WFDC13: variants seen among roughly 807,000 people sequenced by gnomAD.
WFDC13 encodes WAP four-disulfide core domain 13.
A neutral mutation model predicts 10.9 loss-of-function variants in WFDC13; 6 were observed. That is an observed-to-expected ratio of 0.55 (90% CI 0.30 to 1.09). The LOEUF is 1.09. Ranked by LOEUF, WFDC13 falls within the 50% of genes least tolerant of loss-of-function variation. The pLI, the probability that WFDC13 is intolerant of heterozygous loss-of-function variation, is 0.06. For synonymous variants in WFDC13, 38 were observed against 39.5 expected, an observed-to-expected ratio of 0.96 and a Z score of 0.14; for missense variants, 104 against 109.6, an observed-to-expected ratio of 0.95 and a Z score of 0.23.
At chr20:45,702,305 A>G in intron 1 of WFDC13, 94 bp downstream of exon 1, 1 of 1,289,628 alleles carries the variant, frequency 7.8e-7, no homozygotes, top group South Asian at 1.3e-5. Flanking sequence ...TTGGAAAAAT[A>G]CCGTGTCATG....
chr20:45,703,790 C>A (rs1984273799), intron 1 of WFDC13, among the ~76,000 whole-genome samples: 2 of 152,272 alleles, frequency 1.3e-5, no homozygotes, highest in Admixed American at 6.5e-5. Flanking sequence ...CATCCTGGTG[C>A]TCTGGCCTCC....
intron 2 of WFDC13, 37 bp downstream of exon 2, chr20:45,704,631 C>T: frequency 6.2e-7 from 1 of 1,607,762 alleles, no homozygotes; most frequent in Non-Finnish European, 8.5e-7. Flanking sequence ...GATCCTAGAG[C>T]TGCTGGTGGG....
chr20:45,702,174 G>A lies in WFDC13; in HGVS notation c.51G>A (p.Leu17=). Residue 17 remains leucine, a synonymous_variant, in exon 1 of 4, where the codon CTG becomes CTA. Transcript: ENST00000305479. Reference sequence around the variant, plus strand: ...TCCTGGTGGTGTTCTGCCTAGCACTGCAGCTGGTGCCTGGGAGTCCCAAGC... The same window carrying A: ...TCCTGGTGGTGTTCTGCCTAGCACTACAGCTGGTGCCTGGGAGTCCCAAGC... ...LQFLVVFCLA[L]QLVPGSPKQR... is the part of the protein sequence containing the mutation. 6.2e-7 allele frequency: 1 copy of A among 1,613,322 alleles called. No homozygotes were observed. Among genetic ancestry groups the A allele is most frequent in the Non-Finnish European group, 8.5e-7 (1 of 1,179,738 alleles).
At chr20:45,703,064 A>G (rs1382590090) in intron 1 of WFDC13, among the ~76,000 whole-genome samples, 1 of 152,156 alleles carries the variant, frequency 6.6e-6, no homozygotes, top group African/African-American at 2.4e-5. Flanking sequence ...TTAATTGGAG[A>G]ATCAGAATTT....
Position 45,702,210 on chromosome 20 carries a change from G to C in WFDC13, c.87G>C (p.Leu29=). The C allele has an allele frequency of 3.7e-6, 6 of 1,611,546 alleles. No individual in the cohort carries two copies. The highest frequency in any genetic ancestry group is 4.2e-6 in the Non-Finnish European group (5 of 1,178,960). ...CTGGGAGTCCCAAGCAGCGTGTTCT[G>C]AGTAGGTGCTGGATCTGGGCCCAAG... ...LVPGSPKQRV[L]KYILEPPPCI... is the part of the protein sequence containing the mutation. Residue 29 remains leucine, a splice_region_variant and synonymous_variant, in exon 1 of 4, where the codon CTG becomes CTC. Coordinates refer to ENST00000305479, the MANE Select transcript of WFDC13 (RefSeq NM_172005.2).
At chr20:45,707,439 G>T (rs940801176) in intron 3 of WFDC13, among the ~76,000 whole-genome samples, 11 of 152,084 alleles carry the variant, frequency 7.2e-5, no homozygotes, top group African/African-American at 2.7e-4. Context: ...GTCACGAGAG[G>T]CTATTTAAAT....
rs1387885402 is a variant in WFDC13, at chr20:45,707,783, G to A, written c.*23-75G>A. On this transcript the variant is annotated intron_variant, in intron 3 of 3. Coordinates refer to ENST00000305479, the MANE Select transcript of WFDC13 (RefSeq NM_172005.2). ...AGTTCAATGACAGTAATTCTCTAGA[G>A]ACCCAACATGATGTCCAAGGATGTT... The A allele has an allele frequency of 2.0e-5, 3 of 152,160 alleles. No homozygotes were observed. In the East Asian group the frequency reaches 5.8e-4, roughly 29 times the overall value. 9.4% of individuals were successfully genotyped at this position (152,160 alleles called of 1,614,324 possible).
chr20:45,704,392 C>T, intron 1 of WFDC13, 52 bp from the exon 2 acceptor site: 1 of 1,571,868 alleles, frequency 6.4e-7, no homozygotes, highest in Non-Finnish European at 8.6e-7. Context: ...GAGTTCTGAA[C>T]ATTACTCCAG....
intron 1 of WFDC13, among the ~76,000 whole-genome samples, 197 bp downstream of exon 1, chr20:45,702,408 T>C (rs1600966627): frequency 1.3e-5 from 2 of 152,128 alleles, no homozygotes; most frequent in African/African-American, 4.8e-5. Flanking sequence ...GGGCCTCAGG[T>C]TTTTATCCTT....
chr20:45,704,357 T>C, intron 1 of WFDC13, 87 bp from the exon 2 acceptor site: 2 of 1,518,028 alleles, frequency 1.3e-6, no homozygotes, highest in Non-Finnish European at 1.8e-6. Context: ...GGTGGCAGGT[T>C]TCCTGGCAGT....
intron 1 of WFDC13, 75 bp from the exon 2 acceptor site, chr20:45,704,369 C>T (rs1467432356): frequency 6.5e-7 from 1 of 1,534,364 alleles, no homozygotes; most frequent in Admixed American, 2.0e-5. Flanking sequence ...CCTGGCAGTT[C>T]CCTGGGCTTT....
chr20:45,705,182 G>A, intron 2 of WFDC13: 2 of 575,524 alleles, frequency 3.5e-6, no homozygotes, highest in South Asian at 4.8e-5. Flanking sequence ...CTATGACCTT[G>A]AGTAAGACAA....
chr20:45,706,103 G>A (rs899743537), intron 3 of WFDC13, among the ~76,000 whole-genome samples, 176 bp downstream of exon 3: 1 of 152,114 alleles, frequency 6.6e-6, no homozygotes, highest in South Asian at 2.1e-4. Context: ...ACTCCCTGGG[G>A]GAGGCACGGT....
chr20:45,704,451 C>T lies in WFDC13; in HGVS notation c.96C>T (p.Ile32=). Residue 32 remains isoleucine, a synonymous_variant, in exon 2 of 4, where the codon ATC becomes ATT. Transcript: ENST00000305479. The stretch of plus-strand genomic sequence containing the variant: ...ACTTGTTCTGTGTTCCAGAGTATAT[C>T]TTGGAACCTCCACCCTGCATATCAG... ...GSPKQRVLKY[I]LEPPPCISAP... 1 of 1,613,352 alleles carries T rather than the reference C, an allele frequency of 6.2e-7. No homozygotes were observed. Among genetic ancestry groups the T allele is most frequent in the Non-Finnish European group, 8.5e-7 (1 of 1,179,688 alleles).
chr20:45,705,979 C>A, intron 3 of WFDC13, 52 bp downstream of exon 3: 1 of 1,513,822 alleles, frequency 6.6e-7, no homozygotes, highest in Non-Finnish European at 9.2e-7. Flanking sequence ...CCCAGGGATG[C>A]TCACTTTCTT....
rs1045284437 is a variant in WFDC13 at position 45,704,808 on chromosome 20, C to T, written c.239+214C>T. 6 of 1,328,320 alleles carry T rather than the reference C, an allele frequency of 4.5e-6. No homozygotes were observed. The Admixed American group carries it at 6.8e-5, about 15-fold the overall frequency. 82.3% of individuals were successfully genotyped at this position (1,328,320 alleles called of 1,614,324 possible). ...TCCCCTCCCAATCACCACATCCCAT[C>T]ACCATATCCGTGAATTTCTGACTCT... is the stretch of plus-strand genomic sequence containing the variant. On this transcript the variant is annotated intron_variant, in intron 2 of 3. Coordinates refer to ENST00000305479, the MANE Select transcript of WFDC13 (RefSeq NM_172005.2).
rs1379614766 is a variant in WFDC13 at position 45,704,501 on chromosome 20, G to C, written c.146G>C (p.Cys49Ser). 6.2e-7 allele frequency: 1 copy of C among 1,614,026 alleles called. No homozygotes were observed. The highest frequency in any genetic ancestry group is 8.5e-7 in the Non-Finnish European group (1 of 1,180,022). ...ISAPENCTHL[C>S]TMQEDCEKGF... ...GCACCTGAAAACTGTACTCACCTGT[G>C]TACAATGCAGGAAGATTGCGAGAAA... The change falls in exon 2 of 4, where the codon TGT (cysteine) becomes TCT (serine). Residue 49 changes from cysteine (C) to serine (S), a missense_variant. By Grantham distance (112) the Cys-to-Ser change is moderately radical. Coordinates refer to ENST00000305479, the MANE Select transcript of WFDC13 (RefSeq NM_172005.2).
rs1225873258 is a variant in WFDC13 at position 45,705,919 on chromosome 20, G to C, written c.*14G>C. 6.2e-7 allele frequency: 1 copy of C among 1,613,942 alleles called. No individual in the cohort carries two copies. The highest frequency in any genetic ancestry group is 1.1e-5 in the South Asian group (1 of 91,074). ...CCTGCCAACTGAGGCATATTTCCTAGATCATTTTGTAAGTACAGGGATTTG... is the reference window on the plus strand; with the variant it reads ...CCTGCCAACTGAGGCATATTTCCTACATCATTTTGTAAGTACAGGGATTTG... On this transcript the variant is annotated 3_prime_UTR_variant, in exon 3 of 4. Transcript: ENST00000305479.
chr20:45,706,298 CTG>C (rs1207576418), intron 3 of WFDC13, among the ~76,000 whole-genome samples: 2 of 152,158 alleles, frequency 1.3e-5, no homozygotes, highest in African/African-American at 4.8e-5. Context: ...GGTCTGCTCA[CTG>C]TACCTCTCTG....
Sources: gnomAD v4.1 joint callset for allele counts (sites outside exome capture counted in the v4.1 genomes callset) on GRCh38, gnomAD v4.1.1 for gene constraint, MANE v1.5 for transcripts, NCBI Gene and HGNC (gene_info 2026-07-23, HGNC 2026-07-21) for gene names.